OPRM1: variants seen among roughly 807,000 people sequenced by gnomAD.
OPRM1 encodes the protein opioid receptor mu 1, also known as mu-type opioid receptor.
OPRM1 carries 27 observed loss-of-function variants against 31.8 expected under a neutral mutation model. The observed-to-expected ratio is 0.85, with a 90% CI of 0.63 to 1.17. The LOEUF is 1.17. Among genes scored for constraint, OPRM1 ranks in the 50% most tolerant of loss-of-function variants. The pLI, the probability that OPRM1 is intolerant of heterozygous loss-of-function variation, is 0.00. For synonymous variants in OPRM1, 196 were observed against 189.9 expected, an observed-to-expected ratio of 1.03 and a Z score of -0.26; for missense variants, 536 against 511.1, an observed-to-expected ratio of 1.05 and a Z score of -0.47.
intron 3 of OPRM1, among the ~76,000 whole-genome samples, chr6:154,218,371 T>C (rs1169334692): frequency 6.6e-6 from 1 of 152,220 alleles, no homozygotes; most frequent in African/African-American, 2.4e-5. Context: ...ACTTTTAAAT[T>C]GAGACTCACT....
chr6:154,213,824 C>T (rs186453185), intron 3 of OPRM1, among the ~76,000 whole-genome samples: 10 of 152,234 alleles, frequency 6.6e-5, no homozygotes, highest in Admixed American at 6.5e-4. Context: ...AGCCTCAGTA[C>T]ACACCTGGTG....
At position 154,103,655 on chromosome 6, in the gene OPRM1, T is replaced by A. The variant is rs190873126; in HGVS notation, c.1164+12183T>A. On this transcript the variant is annotated intron_variant, in intron 3 of 3. Transcript: ENST00000330432. ...AGCCCTGAGGGCTTCTGGTGGCCCA[T>A]TTTTACAGTTATTTCTTGATGATAT... Among the ~76,000 whole-genome samples the A allele has an allele frequency of 3.6e-3, 550 of 152,310 alleles. 2 individuals are homozygous for A. The highest frequency in any genetic ancestry group is 6.1e-3 in the Non-Finnish European group (414 of 68,014).
In OPRM1 at chr6:154,039,270, T is replaced by A. The variant is rs201734461; in HGVS notation, c.-275T>A. 1 of 1,551,668 alleles carries A rather than the reference T, an allele frequency of 6.4e-7. No homozygotes were observed. Among genetic ancestry groups the A allele is most frequent in the Non-Finnish European group, 8.7e-7 (1 of 1,146,938 alleles). ...TCCCTTCCAGCCTCCGAATCCCGCA[T>A]GGCCCACGCTCCCCTCCTGCAGCGG... On this transcript the variant is annotated 5_prime_UTR_variant, in exon 1 of 4. The change abolishes an upstream ATG in the 5' untranslated region. Transcript: ENST00000330432.
intron 3 of OPRM1, chr6:154,221,194 G>A: frequency 8.6e-7 from 1 of 1,156,736 alleles, no homozygotes; most frequent in Non-Finnish European, 1.3e-6. Flanking sequence ...TAGAATTCCA[G>A]TACCAGGCTA....
chr6:154,168,192 C>A lies in OPRM1; in HGVS notation c.1164+76720C>A. On this transcript the variant is annotated intron_variant, in intron 3 of 3. Coordinates refer to the OPRM1 transcript ENST00000337049. This position sits in a 1 kb window ranked among gnomAD's most constrained non-coding sequence, Gnocchi z 4.1. ...GAGAGAACATTCAATACTGTGGTCC[C>A]AAGGCACGGCCCCACTGGCACCCTC... 1 of 1,056,474 alleles carries A rather than the reference C, an allele frequency of 9.5e-7. No homozygotes were observed. Among genetic ancestry groups the A allele is most frequent in the Non-Finnish European group, 1.3e-6 (1 of 743,592 alleles). 65.4% of individuals were successfully genotyped at this position (1,056,474 alleles called of 1,614,324 possible). A position where few individuals can be genotyped will look rare whatever the true frequency, so the allele number is the denominator to read the frequency against.
intron 3 of OPRM1, chr6:154,217,120 C>A: frequency 6.1e-6 from 1 of 163,502 alleles, no homozygotes; most frequent in Non-Finnish European, 1.4e-5. Context: ...TCCAGCCTTC[C>A]AAGGGTGGAG....
Position 154,119,486 on chromosome 6 carries a change from T to A in OPRM1, c.*765T>A, listed in dbSNP as rs537661659. On this transcript the variant is annotated 3_prime_UTR_variant, in exon 4 of 4. Coordinates refer to ENST00000330432, the MANE Select transcript of OPRM1 (RefSeq NM_000914.5). The stretch of plus-strand genomic sequence containing the variant: ...AGTTTTAAATGTGCAATTTTCTTGC[T>A]CCTATTTAAGTGTTCACAAAAGGTA... 1.3e-4 allele frequency: 125 copies of A among 979,058 alleles called. No individual in the cohort carries two copies. The African/African-American group carries it at 2.1e-3, about 16-fold the overall frequency. 60.6% of individuals were successfully genotyped at this position (979,058 alleles called of 1,614,324 possible).
intron 3 of OPRM1, among the ~76,000 whole-genome samples, chr6:154,093,062 C>G (rs903585993): frequency 9.2e-5 from 14 of 152,210 alleles, no homozygotes; most frequent in Non-Finnish European, 4.4e-5. Flanking sequence ...AAGCAGCCCT[C>G]CTATTCAGTG....
At chr6:154,021,971 A>G (rs1478009640) in intron 1 of OPRM1, among the ~76,000 whole-genome samples, 3 of 151,782 alleles carry the variant, frequency 2.0e-5, no homozygotes, top group Non-Finnish European at 4.4e-5. Flanking sequence ...TTCTTGTCTT[A>G]TTGCATTAGC....
intron 1 of OPRM1, among the ~76,000 whole-genome samples, chr6:154,064,327 A>C (rs1784947438): frequency 6.6e-6 from 1 of 151,998 alleles, no homozygotes; most frequent in African/African-American, 2.4e-5. Flanking sequence ...TCTATTTTTT[A>C]AATTGGGTTG....
intron 3 of OPRM1, among the ~76,000 whole-genome samples, chr6:154,215,109 G>A (rs771462650): frequency 1.3e-5 from 2 of 152,092 alleles, no homozygotes; most frequent in Non-Finnish European, 2.9e-5. Flanking sequence ...CGTGCTACAC[G>A]TTTATCAATT....
intron 3 of OPRM1, among the ~76,000 whole-genome samples, chr6:154,153,246 T>G (rs757513254): frequency 1.3e-5 from 2 of 152,150 alleles, no homozygotes; most frequent in Non-Finnish European, 2.9e-5. Context: ...AAAGGGAGAT[T>G]TGCAGTAAGC....
At chr6:154,071,633 T>C (rs1786757077) in intron 1 of OPRM1, among the ~76,000 whole-genome samples, 1 of 152,196 alleles carries the variant, frequency 6.6e-6, no homozygotes, top group Non-Finnish European at 1.5e-5. Flanking sequence ...ATTTGGTGAT[T>C]TGGGAAAGGA....
chr6:154,242,754 G>T (rs1780693850), intron 3 of OPRM1, among the ~76,000 whole-genome samples: 1 of 152,090 alleles, frequency 6.6e-6, no homozygotes, highest in Non-Finnish European at 1.5e-5. Context: ...GGGCATGGTG[G>T]CGCACACCTG....
At chr6:154,093,494 A>T (rs753213317) in intron 3 of OPRM1, 2 of 1,605,984 alleles carry the variant, frequency 1.2e-6, no homozygotes, top group South Asian at 1.1e-5. Flanking sequence ...CTCCCTTCCA[A>T]ATTCGGCATT....
chr6:154,048,967 A>C (rs1781684382), intron 1 of OPRM1, among the ~76,000 whole-genome samples: 1 of 152,236 alleles, frequency 6.6e-6, no homozygotes, highest in African/African-American at 2.4e-5. Flanking sequence ...AGAATTCGTG[A>C]GTACTGAAGC....
chr6:154,014,187 A>T (rs1777879639), intron 1 of OPRM1, among the ~76,000 whole-genome samples: 1 of 152,204 alleles, frequency 6.6e-6, no homozygotes, highest in Non-Finnish European at 1.5e-5. Context: ...TCAAGTGCAG[A>T]CGCCATAAGG....
In OPRM1 at chr6:154,168,225, A is replaced by G. The variant is rs536166584; in HGVS notation, c.1164+76753A>G. On this transcript the variant is annotated intron_variant, in intron 3 of 3. Coordinates refer to the OPRM1 transcript ENST00000337049. This position sits in a 1 kb window ranked among gnomAD's most constrained non-coding sequence, Gnocchi z 4.1. ...GGCCCCACTGGCACCCTCATCTCAG[A>G]CTTCTCTCCGGAACTGAAAGACAAT... 70 of 728,218 alleles carry G rather than the reference A, an allele frequency of 9.6e-5. 1 individual carries two copies. In the South Asian group the frequency reaches 1.9e-3, roughly 19 times the overall value. The allele number at this position is 728,218 out of a possible 1,614,324, so 45.1% of individuals were successfully genotyped here. A position where few individuals can be genotyped will look rare whatever the true frequency, so the allele number is the denominator to read the frequency against.
intron 3 of OPRM1, among the ~76,000 whole-genome samples, chr6:154,112,037 T>C (rs1796419465): frequency 6.6e-6 from 1 of 152,190 alleles, no homozygotes. Flanking sequence ...AGTGCTGGCA[T>C]TACAGGCTGG....
Sources: gnomAD v4.1 joint callset for allele counts (sites outside exome capture counted in the v4.1 genomes callset) on GRCh38, gnomAD v4.1.1 for gene constraint, Gnocchi (gnomAD v3.1) non-coding constraint, MANE v1.5 for transcripts, NCBI Gene and HGNC (gene_info 2026-07-23, HGNC 2026-07-21) for gene names.